PREX1: variants seen among roughly 807,000 people sequenced by gnomAD.
PREX1 encodes the protein phosphatidylinositol 3,4,5-trisphosphate-dependent Rac exchanger 1 protein.
Under a neutral mutation model 198.3 loss-of-function variants are expected in PREX1, and 41 were observed. The ratio of observed to expected loss-of-function variants is 0.21; its 90% CI spans 0.16 to 0.27. The LOEUF is 0.27. PREX1 is among the 10% of genes least tolerant of loss of function. The pLI, the probability that PREX1 is intolerant of heterozygous loss-of-function variation, is 1.00. For missense variants in PREX1, 1,620 were observed against 2,200.7 expected, an observed-to-expected ratio of 0.74 and a Z score of 5.28; for synonymous variants, 843 against 887.2, an observed-to-expected ratio of 0.95 and a Z score of 0.89.
At chr20:48,631,198 GTAA>G (rs2089311817) in intron 35 of PREX1, among the ~76,000 whole-genome samples, 1 of 152,214 alleles carries the variant, frequency 6.6e-6, no homozygotes, top group Admixed American at 6.5e-5. Flanking sequence ...GAGCCCAACG[GTAA>G]ACATTTTATG....
intron 27 of PREX1, among the ~76,000 whole-genome samples, chr20:48,643,587 C>A (rs1032023484): frequency 2.0e-5 from 3 of 152,190 alleles, no homozygotes; most frequent in African/African-American, 7.2e-5. Context: ...CAGGCCCCAC[C>A]AATGAGCTCC....
Position 48,737,351 on chromosome 20 carries a change from G to A in PREX1, c.415-2701C>T, listed in dbSNP as rs547722319. On this transcript the variant is annotated intron_variant, in intron 3 of 39. Transcript: ENST00000371941. ...GAATTATGATGGTCCCTGACCCCAG[G>A]ATGTTTTACGTCTCATTCATGCACT... 4.5e-4 allele frequency among the ~76,000 whole-genome samples: 68 copies of A among 151,892 alleles called. 1 individual carries two copies. Among genetic ancestry groups the A allele is most frequent in the African/African-American group, 1.6e-3 (67 of 41,424 alleles).
At chr20:48,715,162 G>T (rs2089956235) in intron 5 of PREX1, among the ~76,000 whole-genome samples, 1 of 152,196 alleles carries the variant, frequency 6.6e-6, no homozygotes, top group Non-Finnish European at 1.5e-5. Flanking sequence ...AGTATTTCTG[G>T]AAGGAACCCA....
At chr20:48,862,780 T>TAAAAAAAAAAAAAAAAAAAAAA in the PREX1 span, among the ~76,000 whole-genome samples, 14 of 99,220 alleles carry the variant, frequency 1.4e-4, 2 homozygotes, top group African/African-American at 5.3e-4. Context: ...TAAAAAAGCC[T>TAAAAAAAAAAAAAAAAAAAAAA]AAAAAAAAAA....
chr20:48,803,525 G>A (rs1038919557), intron 1 of PREX1, among the ~76,000 whole-genome samples: 4 of 151,908 alleles, frequency 2.6e-5, no homozygotes, highest in African/African-American at 9.7e-5. Flanking sequence ...GGAGAGGGAG[G>A]GCCACCTGTC....
chr20:48,720,199 A>G (rs773260988), intron 5 of PREX1, among the ~76,000 whole-genome samples: 7 of 152,046 alleles, frequency 4.6e-5, no homozygotes, highest in Admixed American at 3.3e-4. Context: ...CCCTGACCAC[A>G]TTATCTAAAC....
chr20:48,688,491 G>A (rs886128613), intron 10 of PREX1, among the ~76,000 whole-genome samples, 166 bp downstream of exon 10: 1 of 152,028 alleles, frequency 6.6e-6, no homozygotes, highest in African/African-American at 2.4e-5. Context: ...GACCCCACTA[G>A]CCTTCTTGAT....
chr20:48,747,699 C>A (rs1032213689), intron 2 of PREX1, 110 bp downstream of exon 2: 3 of 1,226,896 alleles, frequency 2.4e-6, no homozygotes, highest in Non-Finnish European at 3.5e-6. Context: ...CAGCAGCCAG[C>A]GGGTGATGCG....
At chr20:48,828,099 G>GC (rs924750289), upstream of PREX1, among the ~76,000 whole-genome samples, 8 of 148,226 alleles carry the variant, frequency 5.4e-5, no homozygotes, top group East Asian at 4.0e-4. Flanking sequence ...CTGGCCCCCC[G>GC]CCCCCGCGCC....
chr20:48,777,492 G>T (rs537709027), intron 1 of PREX1, among the ~76,000 whole-genome samples: 1 of 152,028 alleles, frequency 6.6e-6, no homozygotes, highest in Non-Finnish European at 1.5e-5. Flanking sequence ...GGAATCCAAG[G>T]CTCCCTAACA....
intron 3 of PREX1, among the ~76,000 whole-genome samples, chr20:48,741,380 G>C (rs1157884330): frequency 6.6e-6 from 1 of 151,780 alleles, no homozygotes; most frequent in Non-Finnish European, 1.5e-5. Context: ...TTTGTTTTCA[G>C]ACAATGTCTC....
intron 4 of PREX1, among the ~76,000 whole-genome samples, chr20:48,727,733 T>C (rs1364827944): frequency 1.3e-5 from 2 of 152,096 alleles, no homozygotes; most frequent in African/African-American, 2.4e-5. Context: ...CATGTGCCCT[T>C]ACCCCAAGCC....
the PREX1 span, among the ~76,000 whole-genome samples, chr20:48,887,141 T>C: frequency 6.6e-6 from 1 of 152,314 alleles, no homozygotes; most frequent in South Asian, 2.1e-4. Flanking sequence ...GCAGGTGGCA[T>C]AGGTTCAAAC....
chr20:48,784,296 CAG>C lies in PREX1; in HGVS notation c.220-36418_220-36417del, dbSNP rs569843611. Among the ~76,000 whole-genome samples, 16 of 152,316 alleles carry C rather than the reference CAG, an allele frequency of 1.1e-4. No individual in the cohort carries two copies. In the East Asian group the frequency reaches 2.9e-3, roughly 28 times the overall value. On this transcript the variant is annotated intron_variant, in intron 1 of 39. Coordinates refer to ENST00000371941, the MANE Select transcript of PREX1 (RefSeq NM_020820.4). ...GCATCGTGTAATCATTTAATTTTAT[CAG>C]AAAAATTACACATACCCCCAACAGT...
In PREX1 at chr20:48,698,386, G is replaced by A. The variant is rs572944632; in HGVS notation, c.917+2367C>T. On this transcript the variant is annotated intron_variant, in intron 7 of 39. Coordinates refer to ENST00000371941, the MANE Select transcript of PREX1 (RefSeq NM_020820.4). The stretch of plus-strand genomic sequence containing the variant: ...GGGACGTTCTGTTTTCCAAACCCCA[G>A]TGTTCTGGGAAAAGTGCCTGCTCCA... Among the ~76,000 whole-genome samples, 8 of 152,310 alleles carry A rather than the reference G, an allele frequency of 5.3e-5. No individual in the cohort carries two copies. In the South Asian group the frequency reaches 1.7e-3, roughly 32 times the overall value.
chr20:48,865,389 G>A, the PREX1 span, among the ~76,000 whole-genome samples: 1 of 152,178 alleles, frequency 6.6e-6, no homozygotes, highest in Non-Finnish European at 1.5e-5. Context: ...CCTGGTTAAA[G>A]AAACCAGGTC....
In PREX1 at chr20:48,645,853, G is replaced by A. The variant is rs985684638; in HGVS notation, c.3510C>T (p.Tyr1170=). Residue 1170 remains tyrosine, a splice_region_variant and synonymous_variant, in exon 26 of 40, where the codon TAC becomes TAT. Transcript: ENST00000371941. ...GHDTMSYRDS[Y]SECNSNRDSV... is the part of the protein sequence containing the mutation. Reference sequence around the variant, plus strand: ...AGCCCCCTGACGGTGACACCCACCTGTAGGAGTCGCGATAACTCATGGTGT... The same window carrying A: ...AGCCCCCTGACGGTGACACCCACCTATAGGAGTCGCGATAACTCATGGTGT... 5 of 1,613,862 alleles carry A rather than the reference G, an allele frequency of 3.1e-6. No individual in the cohort carries two copies. The highest frequency in any genetic ancestry group is 4.2e-6 in the Non-Finnish European group (5 of 1,179,950).
In PREX1 at chr20:48,639,817, G is replaced by A. The variant is rs761755295; in HGVS notation, c.3853C>T (p.Leu1285Phe). The stretch of plus-strand genomic sequence containing the variant: ...ACCAGGGTCTTGATGGAGTTGGGGA[G>A]GTTCCAGGGGTCCTCCTGGATGCTA... ...QISIQEDPWN[L>F]PNSIKTLVDN... Residue 1285 changes from leucine (L) to phenylalanine (F), a missense_variant, in exon 30 of 40, where the codon CTC becomes TTC. Physicochemically the swap from Leu to Phe is conservative, Grantham distance 22 (BLOSUM62 0). Transcript: ENST00000371941. The A allele has an allele frequency of 1.2e-6, 2 of 1,614,150 alleles. No individual in the cohort carries two copies. Among genetic ancestry groups the A allele is most frequent in the Admixed American group, 3.3e-5 (2 of 60,026 alleles).
chr20:48,829,063 G>A (rs2090527817), upstream of PREX1, among the ~76,000 whole-genome samples: 1 of 152,188 alleles, frequency 6.6e-6, no homozygotes, highest in Non-Finnish European at 1.5e-5. Flanking sequence ...ATGGTACCTA[G>A]CTCCAAGGTC....
Sources: gnomAD v4.1 joint callset for allele counts (sites outside exome capture counted in the v4.1 genomes callset) on GRCh38, gnomAD v4.1.1 for gene constraint, MANE v1.5 for transcripts, NCBI Gene and HGNC (gene_info 2026-07-23, HGNC 2026-07-21) for gene names.